GIT2: variants seen among roughly 807,000 people sequenced by gnomAD.
GIT2 encodes the protein ARF GTPase-activating protein GIT2.
In GIT2, 32 loss-of-function variants were observed where a neutral mutation model predicts 100.3. That is an observed-to-expected ratio of 0.32 (90% confidence interval 0.24 to 0.43). GIT2 has a LOEUF of 0.43. Ranked by LOEUF, GIT2 falls within the 20% of genes least tolerant of loss-of-function variation. The probability of loss-of-function intolerance (pLI) is 1.00; values close to 1 mark genes in which losing one functional copy is unlikely to be tolerated. For missense variants in GIT2, 737 were observed against 975.1 expected (o/e 0.76, Z 3.25); for synonymous variants, 353 against 364.1 (o/e 0.97, Z 0.35).
At chr12:109,997,921 T>G (rs1251744044), upstream of GIT2, 1 of 152,228 alleles carries the variant, frequency 6.6e-6, no homozygotes, top group Non-Finnish European at 1.5e-5. Context: ...ACTTATTGTC[T>G]GTCTTACATA....
At chr12:109,987,196 C>G (rs1887571094) in intron 4 of GIT2, among the ~76,000 whole-genome samples, 7 of 151,418 alleles carry the variant, frequency 4.6e-5, no homozygotes, top group Admixed American at 4.6e-4. Context: ...TCCTGGCTAA[C>G]ATGGTGAAAC....
In GIT2 at chr12:109,931,933, C is replaced by T. The variant is rs541819478; in HGVS notation, c.*1045G>A. Reference sequence around the variant, plus strand: ...TGAGGTGATGGAGGAGAAACTAACTCAGATGACTGCGATACGATACATCTT... The same window carrying T: ...TGAGGTGATGGAGGAGAAACTAACTTAGATGACTGCGATACGATACATCTT... On this transcript the variant is annotated 3_prime_UTR_variant, in exon 20 of 20. Transcript: ENST00000355312. 155 of 152,326 alleles carry T rather than the reference C, an allele frequency of 1.0e-3. 2 individuals are homozygous for T. Among genetic ancestry groups the T allele is most frequent in the African/African-American group, 3.4e-3 (140 of 41,570 alleles). 9.4% of individuals were successfully genotyped at this position (152,326 alleles called of 1,614,324 possible).
chr12:109,952,631 C>A (rs999317111), intron 13 of GIT2: 4 of 519,660 alleles, frequency 7.7e-6, no homozygotes, highest in African/African-American at 3.8e-5. Flanking sequence ...CAATCCCAAG[C>A]GTCCCTTGAG....
chr12:109,960,451 G>GCC (rs1880773612), intron 11 of GIT2, among the ~76,000 whole-genome samples: 1 of 152,106 alleles, frequency 6.6e-6, no homozygotes, highest in African/African-American at 2.4e-5. Context: ...ATGGTGGCGG[G>GCC]TGCCTGTAAT....
rs564806437 is a variant in GIT2, at chr12:109,996,330, G to C, written c.-106C>G. On this transcript the variant is annotated 5_prime_UTR_variant, in exon 1 of 20. Transcript: ENST00000355312. ...GGGTCCCAGCTGCGGCGGCGCTGAC[G>C]GCGGCGCCTCTCCCCTCAGCGCCTT... is the stretch of plus-strand genomic sequence containing the variant. 2.3e-5 allele frequency: 17 copies of C among 754,138 alleles called. No individual in the cohort carries two copies. Among genetic ancestry groups the C allele is most frequent in the East Asian group, 6.4e-5 (2 of 31,478 alleles). The allele number at this position is 754,138 out of a possible 1,614,324, so 46.7% of individuals were successfully genotyped here. A position where few individuals can be genotyped will look rare whatever the true frequency, so the allele number is the denominator to read the frequency against.
chr12:109,947,544 AG>A lies in GIT2; in HGVS notation c.1393-41del. On this transcript the variant is annotated intron_variant, in intron 14 of 19. Transcript: ENST00000355312. The surrounding 1 kb of genome is among the most constrained non-coding windows in gnomAD (Gnocchi z 4.3). Reference sequence around the variant, plus strand: ...TGGCAGTGGGACTGTGTTTTTTTACAGCAAGCAGAAAAAGCAAACACCAAGT... The same window carrying A: ...TGGCAGTGGGACTGTGTTTTTTTACACAAGCAGAAAAAGCAAACACCAAGT... 1.3e-6 allele frequency: 2 copies of A among 1,589,028 alleles called. No individual in the cohort carries two copies. Among genetic ancestry groups the A allele is most frequent in the South Asian group, 2.3e-5 (2 of 88,372 alleles).
chr12:109,992,740 C>T (rs529110255), intron 1 of GIT2, among the ~76,000 whole-genome samples: 1 of 151,836 alleles, frequency 6.6e-6, no homozygotes, highest in East Asian at 1.9e-4. Context: ...GGCGCAATCT[C>T]GGCTCACTGC....
intron 16 of GIT2, chr12:109,939,901 A>T (rs1874196915): frequency 6.6e-6 from 1 of 152,256 alleles, no homozygotes; most frequent in South Asian, 2.1e-4. Flanking sequence ...AAACAAAAAA[A>T]CATGCCAGCA....
rs752418912 is a variant in GIT2, at chr12:109,989,810, C to G, written c.187-8G>C. On this transcript the variant is annotated splice_region_variant and splice_polypyrimidine_tract_variant and intron_variant, in intron 2 of 19. Coordinates refer to ENST00000355312, the MANE Select transcript of GIT2 (RefSeq NM_057169.5). ...ATACAAGGTCTCAACCATCTAAAAC[C>G]AAGCAGGATGACATAAGACTTTAAT... 2.1e-6 allele frequency: 3 copies of G among 1,396,906 alleles called. No individual in the cohort carries two copies. The South Asian group carries it at 3.5e-5, about 16-fold the overall frequency. The allele number at this position is 1,396,906 out of a possible 1,614,324, so 86.5% of individuals were successfully genotyped here.
chr12:109,973,343 G>A (rs1010563924), intron 7 of GIT2, among the ~76,000 whole-genome samples: 1 of 151,994 alleles, frequency 6.6e-6, no homozygotes, highest in Admixed American at 6.6e-5. Flanking sequence ...GTTTCACCAT[G>A]TTGGCCAGGC....
At chr12:109,967,146 T>C (rs961765372) in intron 8 of GIT2, among the ~76,000 whole-genome samples, 4 of 152,192 alleles carry the variant, frequency 2.6e-5, no homozygotes, top group Non-Finnish European at 5.9e-5. Context: ...ACCCCTGTCA[T>C]AGATAATGTA....
rs1386251888 is a variant in GIT2, at chr12:109,931,885, G to A, written c.*1093C>T. ...ACTCTCTAAGGAACTCTTGAAAGTT[G>A]ATGTCTAATTTTTAAGTACTCATGA... On this transcript the variant is annotated 3_prime_UTR_variant, in exon 20 of 20. Transcript: ENST00000355312. 5 of 152,242 alleles carry A rather than the reference G, an allele frequency of 3.3e-5. No individual in the cohort carries two copies. Among genetic ancestry groups the A allele is most frequent in the Non-Finnish European group, 1.5e-5 (1 of 68,048 alleles). The allele number at this position is 152,242 out of a possible 1,614,324, so 9.4% of individuals were successfully genotyped here.
At position 109,945,306 on chromosome 12, in the gene GIT2, G is replaced by A. The variant is rs1393572047; in HGVS notation, c.1685C>T (p.Ser562Phe). ...CGACCAGGAAAGTGTGGAGGGGAAG[G>A]AAGGCAGAGATGAAGAGGAGGTCAC... ...ALVTSSSSLPSFPSTLSWSRD... is the reference protein window; with the variant it reads ...ALVTSSSSLPFFPSTLSWSRD... Residue 562 changes from serine (S) to phenylalanine (F), a missense_variant, in exon 16 of 20, where the codon TCC becomes TTC. This residue lies in a region of GIT2 where 451 missense variants were observed against 543.7 expected (regional missense o/e 0.83). Transcript: ENST00000355312. 1 of 1,588,804 alleles carries A rather than the reference G, an allele frequency of 6.3e-7. No individual in the cohort carries two copies. The highest frequency in any genetic ancestry group is 1.7e-5 in the Admixed American group (1 of 59,930).
chr12:109,964,338 T>C (rs1881759993), intron 9 of GIT2, among the ~76,000 whole-genome samples: 1 of 151,998 alleles, frequency 6.6e-6, no homozygotes, highest in South Asian at 2.1e-4. Flanking sequence ...AGTTAAATAC[T>C]AGTAAGGATA....
In GIT2 at chr12:109,933,682, A is replaced by ACCTC. The variant is rs1291056689; in HGVS notation, c.2067+336_2067+339dup. 7.8e-6 allele frequency: 2 copies of ACCTC among 255,036 alleles called. No individual in the cohort carries two copies. Among genetic ancestry groups the ACCTC allele is most frequent in the African/African-American group, 2.3e-5 (1 of 44,354 alleles). The allele number at this position is 255,036 out of a possible 1,614,324, so 15.8% of individuals were successfully genotyped here. On this transcript the variant is annotated intron_variant, in intron 19 of 19. Transcript: ENST00000355312. The surrounding 1 kb of genome is among the most constrained non-coding windows in gnomAD (Gnocchi z 4.5). ...AATGGCACGATCTTGACTCACTGCA[A>ACCTC]CCTCCGCCTCCTGGGTTCAAGCGAT...
chr12:109,966,081 T>C (rs1882293212), intron 8 of GIT2, among the ~76,000 whole-genome samples: 1 of 149,636 alleles, frequency 6.7e-6, no homozygotes, highest in Non-Finnish European at 1.5e-5. Flanking sequence ...CTGCAATCTC[T>C]GCCACCAGGG....
At position 109,930,590 on chromosome 12, in the gene GIT2, C is replaced by T. The variant is rs1871476388; in HGVS notation, c.*2388G>A. ...GCAGCCCTCCAATGGCCACGTCATT[C>T]CACCGGGGAACTTGTTTGGAGTTTT... On this transcript the variant is annotated 3_prime_UTR_variant, in exon 20 of 20. Coordinates refer to ENST00000355312, the MANE Select transcript of GIT2 (RefSeq NM_057169.5). 1 of 152,238 alleles carries T rather than the reference C, an allele frequency of 6.6e-6. No homozygotes were observed. Among genetic ancestry groups the T allele is most frequent in the Admixed American group, 6.5e-5 (1 of 15,278 alleles). 9.4% of individuals were successfully genotyped at this position (152,238 alleles called of 1,614,324 possible). A position where few individuals can be genotyped will look rare whatever the true frequency, so the allele number is the denominator to read the frequency against.
chr12:109,975,925 C>G (rs752020275), intron 7 of GIT2, among the ~76,000 whole-genome samples: 3 of 151,934 alleles, frequency 2.0e-5, no homozygotes, highest in Non-Finnish European at 4.4e-5. Context: ...GCACGTACCA[C>G]CATGCCTAGC....
At chr12:109,989,148 G>C in intron 3 of GIT2, 80 bp from the exon 4 acceptor site, 1 of 880,246 alleles carries the variant, frequency 1.1e-6, no homozygotes. Context: ...AAAAGAAGAG[G>C]AAGTGACCCA....
Sources: allele counts gnomAD v4.1 joint callset (sites outside exome capture counted in the v4.1 genomes callset), GRCh38; gene constraint gnomAD v4.1.1; regional missense constraint gnomAD v4.1.1; non-coding constraint Gnocchi (gnomAD v3.1); transcripts MANE v1.5; gene names NCBI Gene and HGNC (gene_info 2026-07-23, HGNC 2026-07-21).